The following LEFTY2 variants were observed in gnomAD, a reference collection of about 807,000 sequenced individuals.
LEFTY2 encodes left-right determination factor 2, also known as TGF-beta-4.
A neutral mutation model predicts 26.4 loss-of-function variants in LEFTY2; 10 were observed. The ratio of observed to expected loss-of-function variants is 0.38; its 90% CI spans 0.23 to 0.64. The LOEUF (loss-of-function observed/expected upper bound fraction) is 0.64, where lower values mean the gene tolerates loss of function less well. Ranked by LOEUF, LEFTY2 falls within the 30% of genes least tolerant of loss-of-function variation. The pLI is 0.56. For synonymous variants in LEFTY2, 204 were observed against 234.1 expected (o/e 0.87, Z 1.17); for missense variants, 407 against 502.1 (o/e 0.81, Z 1.81).
rs777814051 is a variant in LEFTY2 at position 225,940,888 on chromosome 1, C to T, written c.250+3G>A. 1.6e-5 allele frequency: 26 copies of T among 1,613,160 alleles called. No individual in the cohort carries two copies. The highest frequency in any genetic ancestry group is 1.1e-4 in the African/African-American group (8 of 74,864). On this transcript the variant is annotated splice_donor_region_variant and intron_variant, in intron 1 of 3. Coordinates refer to ENST00000366820, the MANE Select transcript of LEFTY2 (RefSeq NM_003240.5). The stretch of plus-strand genomic sequence containing the variant: ...CGGGGCCAGCAGGGAGGGAGGGTCT[C>T]ACCTCGGAAGCTCTGGCTGAACCTC...
Position 225,939,030 on chromosome 1 carries a change from C to T in LEFTY2, c.737+331G>A, listed in dbSNP as rs1672229416. 1.3e-5 allele frequency among the ~76,000 whole-genome samples: 2 copies of T among 151,898 alleles called. No homozygotes were observed. Among genetic ancestry groups the T allele is most frequent in the Non-Finnish European group, 2.9e-5 (2 of 67,982 alleles). On this transcript the variant is annotated intron_variant, in intron 3 of 3. Transcript: ENST00000366820. The surrounding 1 kb of genome is among the most constrained non-coding windows in gnomAD (Gnocchi z 4.1). ...GGGATTACAGGCACGCGCCACCACG[C>T]CCGGCTAATTTTTGTATTTTTGGTA... is the stretch of plus-strand genomic sequence containing the variant.
rs770360266 is a variant in LEFTY2 at position 225,937,530 on chromosome 1, G to T, written c.1012C>A (p.Pro338Thr). 1.9e-6 allele frequency: 3 copies of T among 1,613,936 alleles called. No homozygotes were observed. Among genetic ancestry groups the T allele is most frequent in the East Asian group, 4.5e-5 (2 of 44,892 alleles). Residue 338 changes from proline (P) to threonine (T), a missense_variant, in exon 4 of 4, where the codon CCC (proline) becomes ACC (threonine). Coordinates refer to ENST00000366820, the MANE Select transcript of LEFTY2 (RefSeq NM_003240.5). ...ATGTTGGGCAGGCTGACCACCTGGGGCCTGGTCCTGCCTCCCTCCTTGATG... is the reference window on the plus strand; with the variant it reads ...ATGTTGGGCAGGCTGACCACCTGGGTCCTGGTCCTGCCTCCCTCCTTGATG... Reference protein sequence around the residue: ...VSIKEGGRTRPQVVSLPNMRV... With the variant: ...VSIKEGGRTRTQVVSLPNMRV...
chr1:225,937,112 T>C lies in LEFTY2; in HGVS notation c.*329A>G, dbSNP rs1340026693. The C allele has an allele frequency of 4.3e-6, 2 of 461,906 alleles. No homozygotes were observed. Among genetic ancestry groups the C allele is most frequent in the Non-Finnish European group, 7.9e-6 (2 of 251,938 alleles). 28.6% of individuals were successfully genotyped at this position (461,906 alleles called of 1,614,324 possible). A position where few individuals can be genotyped will look rare whatever the true frequency, so the allele number is the denominator to read the frequency against. On this transcript the variant is annotated 3_prime_UTR_variant, in exon 4 of 4. Transcript: ENST00000366820. ...AGTTCTGTTTCCCCAGTTCTAATCA[T>C]AGGGTATTATTGTTCCAGACTCAGT... is the stretch of plus-strand genomic sequence containing the variant.
Position 225,939,840 on chromosome 1 carries a change from G to T in LEFTY2, c.413C>A (p.Pro138Gln). The T allele has an allele frequency of 6.5e-7, 1 of 1,545,260 alleles. No homozygotes were observed. The highest frequency in any genetic ancestry group is 8.7e-7 in the Non-Finnish European group (1 of 1,151,328). Residue 138 changes from proline (P) to glutamine (Q), a missense_variant, in exon 2 of 4, where the codon CCG becomes CAG. Transcript: ENST00000366820. This position sits in a 1 kb window ranked among gnomAD's most constrained non-coding sequence, Gnocchi z 4.1. ...AALHRHGRLSPRSAQARVTVE... is the reference protein window; with the variant it reads ...AALHRHGRLSQRSAQARVTVE... ...GGTCACCCGGGCCTGGGCGCTGCGC[G>T]GGGACAGCCGCCCGTGCCTGTGCAG...
At position 225,940,612 on chromosome 1, in the gene LEFTY2, G is replaced by C. The variant is rs1672296192; in HGVS notation, c.250+279C>G. ...AGGCACACACTCACCTGCTCCCCCA[G>C]CTCTACTTTCTCTCCTCTACCCTCC... is the stretch of plus-strand genomic sequence containing the variant. On this transcript the variant is annotated intron_variant, in intron 1 of 3. Transcript: ENST00000366820. 6.6e-6 allele frequency among the ~76,000 whole-genome samples: 1 copy of C among 152,198 alleles called. No homozygotes were observed. The highest frequency in any genetic ancestry group is 1.5e-5 in the Non-Finnish European group (1 of 68,032).
rs776960459 is a variant in LEFTY2 at position 225,937,406 on chromosome 1, G to A, written c.*35C>T. On this transcript the variant is annotated 3_prime_UTR_variant, in exon 4 of 4. Transcript: ENST00000366820. Reference sequence around the variant, plus strand: ...ACATTAAGACCACCTCTATGCACACGTTCAGTTAGAGGGCTCAATGGATAC... The same window carrying A: ...ACATTAAGACCACCTCTATGCACACATTCAGTTAGAGGGCTCAATGGATAC... 1.9e-5 allele frequency: 30 copies of A among 1,613,276 alleles called. No homozygotes were observed. The highest frequency in any genetic ancestry group is 5.0e-5 in the Admixed American group (3 of 60,000).
chr1:225,938,049 C>G, intron 3 of LEFTY2, among the ~76,000 whole-genome samples: 1 of 152,228 alleles, frequency 6.6e-6, no homozygotes, highest in Non-Finnish European at 1.5e-5. Context: ...TGTATTATCT[C>G]AGGTGATGTC....
Position 225,939,694 on chromosome 1 carries a change from C to G in LEFTY2, c.497+62G>C. ...GGACCCTGCACCGCCCCCTGCGTCC[C>G]CGCCCCCAAGCCGGGCCGAGCAGCC... is the stretch of plus-strand genomic sequence containing the variant. On this transcript the variant is annotated intron_variant, in intron 2 of 3. Transcript: ENST00000366820. This position sits in a 1 kb window ranked among gnomAD's most constrained non-coding sequence, Gnocchi z 4.1. 10 of 1,609,106 alleles carry G rather than the reference C, an allele frequency of 6.2e-6. No individual in the cohort carries two copies. Among genetic ancestry groups the G allele is most frequent in the Non-Finnish European group, 8.5e-6 (10 of 1,178,624 alleles).
At position 225,939,118 on chromosome 1, in the gene LEFTY2, G is replaced by T. The variant is rs1484867979; in HGVS notation, c.737+243C>A. On this transcript the variant is annotated intron_variant, in intron 3 of 3. Coordinates refer to ENST00000366820, the MANE Select transcript of LEFTY2 (RefSeq NM_003240.5). The surrounding 1 kb of genome is among the most constrained non-coding windows in gnomAD (Gnocchi z 4.1). ...AACTCCTGATCTTGTGATCCAGCCC[G>T]CCTCGGCCTCCCAAAGTGCTAGGAT... 6.6e-6 allele frequency among the ~76,000 whole-genome samples: 1 copy of T among 151,896 alleles called. No homozygotes were observed. Among genetic ancestry groups the T allele is most frequent in the South Asian group, 2.1e-4 (1 of 4,812 alleles).
chr1:225,940,106 G>A (rs1231202419), intron 1 of LEFTY2, 104 bp from the exon 2 acceptor site: 13 of 1,549,180 alleles, frequency 8.4e-6, no homozygotes, highest in Non-Finnish European at 1.1e-5. Flanking sequence ...CACCGGCCCT[G>A]TTCTATCTCT....
chr1:225,937,462 C>T lies in LEFTY2; in HGVS notation c.1080G>A (p.Val360=), dbSNP rs778654147. ...GCGCCTATGGCTGGAGCCTCCTTGG[C>T]ACGAGCGCCCCATCCGAGGCACAGC... is the stretch of plus-strand genomic sequence containing the variant. ...KCSCASDGAL[V]PRRLQP The change falls in exon 4 of 4, where the codon GTG becomes GTA. Residue 360 remains valine, a synonymous_variant. Transcript: ENST00000366820. 1.2e-6 allele frequency: 2 copies of T among 1,614,020 alleles called. No individual in the cohort carries two copies. The highest frequency in any genetic ancestry group is 1.7e-5 in the Admixed American group (1 of 60,026).
rs777635848 is a variant in LEFTY2, at chr1:225,939,563, C to G, written c.535G>C (p.Asp179His). The G allele has an allele frequency of 1.9e-6, 3 of 1,612,176 alleles. No individual in the cohort carries two copies. Among genetic ancestry groups the G allele is most frequent in the Non-Finnish European group, 2.5e-6 (3 of 1,179,840 alleles). The change falls in exon 3 of 4, where the codon GAC becomes CAC. Residue 179 changes from aspartate to histidine, a missense_variant. Physicochemically the swap from Asp to His is moderately conservative, Grantham distance 81. Transcript: ENST00000366820. The surrounding 1 kb of genome is among the most constrained non-coding windows in gnomAD (Gnocchi z 4.1). ...SVHESGWKAF[D>H]VTEAVNFWQQ... ...CAGAAGTTCACGGCCTCGGTCACGTCGAAGGCCTTCCAGCCGCTCTCGTGG... is the reference window on the plus strand; with the variant it reads ...CAGAAGTTCACGGCCTCGGTCACGTGGAAGGCCTTCCAGCCGCTCTCGTGG...
chr1:225,940,032 T>TC (rs769834771), intron 1 of LEFTY2, 30 bp from the exon 2 acceptor site: 17 of 1,595,286 alleles, frequency 1.1e-5, no homozygotes. Context: ...CAGCAGGGCC[T>TC]CCCCGGACTC....
rs1309396094 is a variant in LEFTY2, at chr1:225,939,919, C to T, written c.334G>A (p.Glu112Lys). Reference sequence around the variant, plus strand: ...AGCCGCAGCACGGCCTGCACCAGCTCGCTGTTGGGCGGCAGCCGCTGCTCC... The same window carrying T: ...AGCCGCAGCACGGCCTGCACCAGCTTGCTGTTGGGCGGCAGCCGCTGCTCC... Reference protein sequence around the residue: ...GMEQRLPPNSELVQAVLRLFQ... With the variant: ...GMEQRLPPNSKLVQAVLRLFQ... Residue 112 changes from glutamate to lysine, a missense_variant, in exon 2 of 4, where the codon GAG becomes AAG. Transcript: ENST00000366820. The surrounding 1 kb of genome is among the most constrained non-coding windows in gnomAD (Gnocchi z 4.1). The T allele has an allele frequency of 1.3e-6, 2 of 1,580,322 alleles. No individual in the cohort carries two copies. Among genetic ancestry groups the T allele is most frequent in the Admixed American group, 1.8e-5 (1 of 57,136 alleles).
intron 1 of LEFTY2, 113 bp from the exon 2 acceptor site, chr1:225,940,115 C>T: frequency 6.6e-7 from 1 of 1,514,818 alleles, no homozygotes; most frequent in African/African-American, 1.4e-5. Context: ...TGTTCTATCT[C>T]TGGGGCAAAC....
rs1672229731 is a variant in LEFTY2 at position 225,939,031 on chromosome 1, C to T, written c.737+330G>A. Among the ~76,000 whole-genome samples the T allele has an allele frequency of 6.6e-6, 1 of 151,838 alleles. No homozygotes were observed. Among genetic ancestry groups the T allele is most frequent in the Admixed American group, 6.6e-5 (1 of 15,258 alleles). On this transcript the variant is annotated intron_variant, in intron 3 of 3. Coordinates refer to ENST00000366820, the MANE Select transcript of LEFTY2 (RefSeq NM_003240.5). The surrounding 1 kb of genome is among the most constrained non-coding windows in gnomAD (Gnocchi z 4.1). ...GGATTACAGGCACGCGCCACCACGC[C>T]CGGCTAATTTTTGTATTTTTGGTAG...
rs1279841716 is a variant in LEFTY2, at chr1:225,937,757, C to T, written c.785G>A (p.Arg262His). 2 of 1,610,782 alleles carry T rather than the reference C, an allele frequency of 1.2e-6. No homozygotes were observed. The highest frequency in any genetic ancestry group is 1.7e-5 in the Admixed American group (1 of 59,800). Residue 262 changes from arginine (R) to histidine (H), a missense_variant, in exon 4 of 4, where the codon CGC becomes CAC. Physicochemically the swap from Arg to His is conservative, Grantham distance 29. Transcript: ENST00000366820. ...DPEAPMTEGT[R>H]CCRQEMYIDL... is the part of the protein sequence containing the mutation. ...AATGTACATCTCCTGGCGGCAGCAG[C>T]GGGTGCCCTCGGTCATTGGTGCTTC...
chr1:225,940,801 A>C (rs1672302691), intron 1 of LEFTY2, 90 bp downstream of exon 1: 1 of 1,588,350 alleles, frequency 6.3e-7, no homozygotes, highest in African/African-American at 1.3e-5. Context: ...GAGTCCCAAA[A>C]GGCCAGGGGC....
Position 225,937,612 on chromosome 1 carries a change from A to C in LEFTY2, c.930T>G (p.Phe310Leu). Residue 310 changes from phenylalanine to leucine, a missense_variant, in exon 4 of 4, where the codon TTT (phenylalanine) becomes TTG (leucine). By Grantham distance (22) the Phe-to-Leu change is conservative (BLOSUM62 0). Coordinates refer to ENST00000366820, the MANE Select transcript of LEFTY2 (RefSeq NM_003240.5). ...PPEALAFNWPFLGPRQCIASE... is the reference protein window; with the variant it reads ...PPEALAFNWPLLGPRQCIASE... ...AGGCGATACACTGTCGCGGCCCCAG[A>C]AATGGCCAATTGAAGGCCAGGGCCT... 1 of 1,614,134 alleles carries C rather than the reference A, an allele frequency of 6.2e-7. No homozygotes were observed. The highest frequency in any genetic ancestry group is 8.5e-7 in the Non-Finnish European group (1 of 1,180,034).
Sources: allele counts gnomAD v4.1 joint callset (sites outside exome capture counted in the v4.1 genomes callset), GRCh38; gene constraint gnomAD v4.1.1; non-coding constraint Gnocchi (gnomAD v3.1); transcripts MANE v1.5; gene names NCBI Gene and HGNC (gene_info 2026-07-23, HGNC 2026-07-21).